Variants in PPP2R5C observed in about 807,000 individuals in gnomAD.
PPP2R5C encodes serine/threonine-protein phosphatase 2A 56 kDa regulatory subunit gamma isoform.
Under a neutral mutation model 68.9 loss-of-function variants are expected in PPP2R5C, and 7 were observed. The ratio of observed to expected loss-of-function variants is 0.10; its 90% CI spans 0.06 to 0.19. PPP2R5C has a LOEUF of 0.19. PPP2R5C is among the 10% of genes least tolerant of loss of function. PPP2R5C has a pLI of 1.00. For missense variants in PPP2R5C, 348 were observed against 641.3 expected (o/e 0.54, Z 4.94); for synonymous variants, 210 against 222.2 (o/e 0.95, Z 0.49).
chr14:101,875,225 C>A (rs1015815644), intron 2 of PPP2R5C, among the ~76,000 whole-genome samples: 1 of 152,100 alleles, frequency 6.6e-6, no homozygotes, highest in Non-Finnish European at 1.5e-5. Flanking sequence ...GGAGGAAGCG[C>A]GAGGTAGATT....
At chr14:101,816,870 TTA>T (rs562594859) in intron 1 of PPP2R5C, among the ~76,000 whole-genome samples, 43 of 139,138 alleles carry the variant, frequency 3.1e-4, no homozygotes, top group Middle Eastern at 7.2e-3. Context: ...ATATATTTAT[TTA>T]TATATATATT....
chr14:101,894,489 T>TGA lies in PPP2R5C; in HGVS notation c.799-18_799-17insGA, dbSNP rs761227060. 6.2e-7 allele frequency: 1 copy of TGA among 1,611,634 alleles called. No homozygotes were observed. Among genetic ancestry groups the TGA allele is most frequent in the Non-Finnish European group, 8.5e-7 (1 of 1,177,812 alleles). ...TTTATGTTGAAATGTTAATGCTCTTTCTCCTTTTACTTTTTAGCTGGCATA... is the reference window on the plus strand; with the variant it reads ...TTTATGTTGAAATGTTAATGCTCTTTGACTCCTTTTACTTTTTAGCTGGCATA... On this transcript the variant is annotated splice_polypyrimidine_tract_variant and intron_variant, in intron 7 of 13. Coordinates refer to ENST00000334743, the Ensembl canonical transcript of PPP2R5C.
upstream of PPP2R5C, among the ~76,000 whole-genome samples, chr14:101,761,231 C>G (rs2036508626): frequency 6.6e-6 from 1 of 152,194 alleles, no homozygotes; most frequent in African/African-American, 2.4e-5. Flanking sequence ...GGGGCAAGGC[C>G]AAGAGGCCAC....
At chr14:101,787,627 C>T (rs934287975) in intron 3 of PPP2R5C, among the ~76,000 whole-genome samples, 10 of 151,992 alleles carry the variant, frequency 6.6e-5, no homozygotes, top group South Asian at 2.1e-4. Context: ...ATTAGCCAGG[C>T]GTGGTGGCGG....
intron 1 of PPP2R5C, chr14:101,819,212 A>G (rs1952569947): frequency 1.3e-6 from 1 of 787,764 alleles, no homozygotes; most frequent in Admixed American, 2.3e-5. Flanking sequence ...AGACTTCTCA[A>G]AGGGGGGTAG....
chr14:101,796,122 G>A (rs2038596086), intron 3 of PPP2R5C, among the ~76,000 whole-genome samples: 1 of 152,128 alleles, frequency 6.6e-6, no homozygotes, highest in African/African-American at 2.4e-5. Context: ...ACTGCGCCCT[G>A]CCTATTTTCT....
chr14:101,903,744 C>T (rs949192329), intron 9 of PPP2R5C, among the ~76,000 whole-genome samples: 15 of 151,690 alleles, frequency 9.9e-5, no homozygotes, highest in Admixed American at 8.5e-4. Flanking sequence ...GGTGCGATCT[C>T]GGCTCATTGC....
intron 5 of PPP2R5C, among the ~76,000 whole-genome samples, chr14:101,884,323 T>C (rs1043378738): frequency 2.0e-5 from 3 of 152,182 alleles, no homozygotes; most frequent in Non-Finnish European, 4.4e-5. Context: ...CTGACTCAAA[T>C]GTTAATCTCC....
intron 11 of PPP2R5C, among the ~76,000 whole-genome samples, chr14:101,910,678 C>T (rs1003421573): frequency 1.7e-4 from 25 of 151,346 alleles, no homozygotes; most frequent in African/African-American, 5.1e-4. Flanking sequence ...TAAAAAATAC[C>T]AAAAAAGGGC....
At position 101,885,601 on chromosome 14, in the gene PPP2R5C, G is replaced by C. The variant is rs761821257; in HGVS notation, c.629+2039G>C. 3.3e-5 allele frequency among the ~76,000 whole-genome samples: 5 copies of C among 152,334 alleles called. No homozygotes were observed. In the East Asian group the frequency reaches 9.7e-4, roughly 29 times the overall value. On this transcript the variant is annotated intron_variant, in intron 5 of 13. Transcript: ENST00000334743. Reference sequence around the variant, plus strand: ...TGCACACCTGATAGGGCATTTCGGCGTGAGAGCCTTTGATTTTGCGTGTGG... The same window carrying C: ...TGCACACCTGATAGGGCATTTCGGCCTGAGAGCCTTTGATTTTGCGTGTGG...
rs1270205804 is a variant in PPP2R5C at position 101,891,748 on chromosome 14, T to C, written c.690-1252T>C. ...CCGCTCCAGGCTCGCCCTTCCCGCA[T>C]TGTCCGCTGTGCCGCGCAGAGTCAG... is the stretch of plus-strand genomic sequence containing the variant. On this transcript the variant is annotated intron_variant, in intron 6 of 13. Coordinates refer to ENST00000334743, the Ensembl canonical transcript of PPP2R5C. The surrounding 1 kb of genome is among the most constrained non-coding windows in gnomAD (Gnocchi z 4.9). 1.4e-4 allele frequency among the ~76,000 whole-genome samples: 21 copies of C among 152,224 alleles called. No homozygotes were observed. Among genetic ancestry groups the C allele is most frequent in the Admixed American group, 1.4e-3 (21 of 15,282 alleles).
chr14:101,773,787 T>A (rs1245409727), intron 2 of PPP2R5C, among the ~76,000 whole-genome samples: 2 of 152,284 alleles, frequency 1.3e-5, no homozygotes, highest in East Asian at 3.9e-4. Context: ...CTTGAACTAC[T>A]GGGCTCAAGC....
intron 3 of PPP2R5C, among the ~76,000 whole-genome samples, chr14:101,795,908 G>A (rs1025761962): frequency 6.6e-6 from 1 of 152,076 alleles, no homozygotes; most frequent in Non-Finnish European, 1.5e-5. Flanking sequence ...CTGCAGCCTG[G>A]ACCTCCCAGG....
At chr14:101,886,522 G>A (rs2044528100) in intron 5 of PPP2R5C, among the ~76,000 whole-genome samples, 1 of 151,990 alleles carries the variant, frequency 6.6e-6, no homozygotes, top group African/African-American at 2.4e-5. Context: ...AGTCTTTTCT[G>A]TAATTGTGTG....
chr14:101,872,495 C>G (rs866460817), intron 2 of PPP2R5C, among the ~76,000 whole-genome samples: 1 of 152,106 alleles, frequency 6.6e-6, no homozygotes, highest in South Asian at 2.1e-4. Context: ...ATCTTGGCCT[C>G]CCAAAGTACT....
chr14:101,912,567 A>T (rs1336471942), intron 12 of PPP2R5C, 94 bp downstream of exon 14: 1 of 1,407,504 alleles, frequency 7.1e-7, no homozygotes, highest in Non-Finnish European at 9.3e-7. Context: ...GGGGGTCTCG[A>T]TTTCACTAAC....
chr14:101,855,784 C>G (rs1296533026), intron 1 of PPP2R5C, among the ~76,000 whole-genome samples: 1 of 152,210 alleles, frequency 6.6e-6, no homozygotes, highest in Admixed American at 6.5e-5. Flanking sequence ...GAATACTGGA[C>G]CGTCATTCAG....
chr14:101,840,759 T>G lies in PPP2R5C; in HGVS notation c.95-15927T>G, dbSNP rs184901647. ...ATCAAGAACAGCAAAGCACTATTGCTGTGCTGTTTATCAGGGCATATGCAT... is the reference window on the plus strand; with the variant it reads ...ATCAAGAACAGCAAAGCACTATTGCGGTGCTGTTTATCAGGGCATATGCAT... On this transcript the variant is annotated intron_variant, in intron 1 of 13. Coordinates refer to ENST00000334743, the Ensembl canonical transcript of PPP2R5C. Among the ~76,000 whole-genome samples, 302 of 152,322 alleles carry G rather than the reference T, an allele frequency of 2.0e-3. 1 individual carries two copies. The highest frequency in any genetic ancestry group is 6.9e-3 in the African/African-American group (288 of 41,564).
intron 2 of PPP2R5C, among the ~76,000 whole-genome samples, chr14:101,870,096 A>G (rs1415559692): frequency 1.2e-5 from 1 of 80,938 alleles, no homozygotes; most frequent in African/African-American, 5.0e-5. Flanking sequence ...TTCTTTACAT[A>G]TCTGGGTACA....
Sources: allele counts gnomAD v4.1 joint callset (sites outside exome capture counted in the v4.1 genomes callset), GRCh38; gene constraint gnomAD v4.1.1; non-coding constraint Gnocchi (gnomAD v3.1); transcripts MANE v1.5; gene names NCBI Gene and HGNC (gene_info 2026-07-23, HGNC 2026-07-21).